Variants in FAM184B observed in about 807,000 individuals in gnomAD.
FAM184B encodes protein FAM184B.
FAM184B carries 111 observed loss-of-function variants against 135.9 expected under a neutral mutation model. That is an observed-to-expected ratio of 0.82 (90% CI 0.70 to 0.96). FAM184B has a LOEUF of 0.96. Among genes scored for constraint, FAM184B ranks in the 40% least tolerant of loss-of-function variants. FAM184B has a pLI of 0.00. For missense variants in FAM184B, 1,375 were observed against 1,323.9 expected, an observed-to-expected ratio of 1.04 and a Z score of -0.60; for synonymous variants, 552 against 524.8, an observed-to-expected ratio of 1.05 and a Z score of -0.71.
In FAM184B at chr4:17,630,358, G is replaced by A. The variant is rs576917022; in HGVS notation, c.*2174C>T. The stretch of plus-strand genomic sequence containing the variant: ...GGCTTTTGGGAAGCAATGGAGTCAT[G>A]AGGGCTTCACCCTCATGAGTAGGAT... On this transcript the variant is annotated 3_prime_UTR_variant, in exon 18 of 18. Coordinates refer to ENST00000265018, the MANE Select transcript of FAM184B (RefSeq NM_015688.2). The A allele has an allele frequency of 6.6e-6, 1 of 152,278 alleles. No homozygotes were observed. The highest frequency in any genetic ancestry group is 2.4e-5 in the African/African-American group (1 of 41,576). 9.4% of individuals were successfully genotyped at this position (152,278 alleles called of 1,614,324 possible). A position where few individuals can be genotyped will look rare whatever the true frequency, so the allele number is the denominator to read the frequency against.
chr4:17,731,325 C>A (rs923450325), intron 1 of FAM184B, among the ~76,000 whole-genome samples: 2 of 152,054 alleles, frequency 1.3e-5, no homozygotes, highest in African/African-American at 4.8e-5. Flanking sequence ...AAACACATAA[C>A]AATATTAACT....
intron 8 of FAM184B, among the ~76,000 whole-genome samples, chr4:17,660,863 G>A (rs1489874726): frequency 6.6e-6 from 1 of 152,070 alleles, no homozygotes; most frequent in African/African-American, 2.4e-5. Context: ...CCCTGACAAG[G>A]ACATCAGGCC....
intron 12 of FAM184B, 148 bp downstream of exon 12, chr4:17,647,489 G>A (rs528658189): frequency 2.1e-6 from 2 of 964,048 alleles, no homozygotes; most frequent in East Asian, 2.7e-5. Flanking sequence ...GCCTCAAGTG[G>A]TTCTCTGGCT....
chr4:17,762,674 G>A (rs1284122323), intron 1 of FAM184B, among the ~76,000 whole-genome samples: 3 of 152,216 alleles, frequency 2.0e-5, no homozygotes, highest in South Asian at 4.1e-4. Flanking sequence ...TGGATAGAGC[G>A]ACAGGAGTGA....
chr4:17,765,830 G>C (rs185795877), intron 1 of FAM184B, among the ~76,000 whole-genome samples: 40 of 152,282 alleles, frequency 2.6e-4, no homozygotes, highest in African/African-American at 9.4e-4. Flanking sequence ...CTGATATTCA[G>C]ATGTGTTCTG....
At chr4:17,701,162 T>C (rs1016712710) in intron 5 of FAM184B, among the ~76,000 whole-genome samples, 2 of 152,204 alleles carry the variant, frequency 1.3e-5, no homozygotes, top group African/African-American at 4.8e-5. Context: ...CCTGAAGACA[T>C]GGCTGATTCC....
chr4:17,706,284 C>T (rs1257490568), intron 3 of FAM184B, among the ~76,000 whole-genome samples: 1 of 152,184 alleles, frequency 6.6e-6, no homozygotes, highest in Non-Finnish European at 1.5e-5. Context: ...GTACTCATGT[C>T]CCACTTTTGA....
Position 17,660,025 on chromosome 4 carries a change from T to G in FAM184B, c.1757A>C (p.Glu586Ala). Residue 586 changes from glutamate (E) to alanine (A), a missense_variant, in exon 9 of 18, where the codon GAG becomes GCG. Physicochemically the swap from Glu to Ala is moderately radical, Grantham distance 107 (BLOSUM62 -1). Coordinates refer to ENST00000265018, the MANE Select transcript of FAM184B (RefSeq NM_015688.2). ...TAGACGCTGGATTTTGGATGTTTTC[T>G]CCTTCAACAAAGAGCCCAGTGGAGG... The part of the protein sequence containing the change: ...PQPPLGSLLK[E>A]KTSKIQRLEE... 6.4e-7 allele frequency: 1 copy of G among 1,551,622 alleles called. No individual in the cohort carries two copies. The highest frequency in any genetic ancestry group is 8.7e-7 in the Non-Finnish European group (1 of 1,146,996).
rs752980284 is a variant in FAM184B at position 17,707,801 on chromosome 4, G to T, written c.895-17C>A. On this transcript the variant is annotated splice_polypyrimidine_tract_variant and intron_variant, in intron 2 of 17. Coordinates refer to ENST00000265018, the MANE Select transcript of FAM184B (RefSeq NM_015688.2). ...ATCCAGGTCCTAAACAGACAGGAAG[G>T]GTCCCATTTCTCTGGTTATAGCTCT... is the stretch of plus-strand genomic sequence containing the variant. 8 of 1,551,716 alleles carry T rather than the reference G, an allele frequency of 5.2e-6. No individual in the cohort carries two copies. The highest frequency in any genetic ancestry group is 2.7e-5 in the African/African-American group (2 of 73,138).
At chr4:17,729,452 C>T (rs773916715) in intron 1 of FAM184B, among the ~76,000 whole-genome samples, 4 of 152,242 alleles carry the variant, frequency 2.6e-5, no homozygotes, top group Non-Finnish European at 5.9e-5. Flanking sequence ...ACTGCCTCCT[C>T]AAGCGGGTCC....
At chr4:17,678,255 C>T (rs1289360845) in intron 7 of FAM184B, among the ~76,000 whole-genome samples, 3 of 152,028 alleles carry the variant, frequency 2.0e-5, no homozygotes, top group Non-Finnish European at 2.9e-5. Flanking sequence ...ATGATATGAT[C>T]GTATACCTAG....
At chr4:17,687,965 C>T (rs1456518019) in intron 7 of FAM184B, among the ~76,000 whole-genome samples, 2 of 152,084 alleles carry the variant, frequency 1.3e-5, no homozygotes, top group African/African-American at 4.8e-5. Flanking sequence ...AAACAGGAAC[C>T]AGTTTCTACC....
Position 17,647,712 on chromosome 4 carries a change from C to T in FAM184B, c.2271G>A (p.Glu757=), listed in dbSNP as rs1168812200. The change falls in exon 12 of 18, where the codon GAG becomes GAA. Residue 757 remains glutamate, a synonymous_variant. Transcript: ENST00000265018. The part of the protein sequence containing the change: ...HQKDLEALQA[E]LRALGRQQAS... ...CTTGCTGTCTGCCCAGAGCCCTCAG[C>T]TCGGCCTGCAGTGCCTCCAAGTCCT... 6.4e-7 allele frequency: 1 copy of T among 1,551,086 alleles called. No individual in the cohort carries two copies. Among genetic ancestry groups the T allele is most frequent in the South Asian group, 1.2e-5 (1 of 84,040 alleles).
At chr4:17,684,084 A>ATAC (rs1716511325) in intron 7 of FAM184B, among the ~76,000 whole-genome samples, 1 of 116,558 alleles carries the variant, frequency 8.6e-6, no homozygotes, top group African/African-American at 4.2e-5. Flanking sequence ...AATAATAATA[A>ATAC]TAGTAATTAC....
intron 1 of FAM184B, among the ~76,000 whole-genome samples, chr4:17,720,070 T>C (rs1305252733): frequency 1.3e-5 from 2 of 152,172 alleles, no homozygotes; most frequent in East Asian, 3.8e-4. Flanking sequence ...TGCCCCAGAG[T>C]GTTAGCCTCA....
chr4:17,721,544 C>T lies in FAM184B; in HGVS notation c.142-11900G>A, dbSNP rs187703633. On this transcript the variant is annotated intron_variant, in intron 1 of 17. Transcript: ENST00000265018. ...GGGAAGTACCATGAGCAGGAAGTAG[C>T]GCAAAGGCATGGCATAGAGGCAAGA... 6.6e-5 allele frequency among the ~76,000 whole-genome samples: 10 copies of T among 152,152 alleles called. No homozygotes were observed. The East Asian group carries it at 1.2e-3, about 18-fold the overall frequency.
intron 7 of FAM184B, among the ~76,000 whole-genome samples, chr4:17,671,345 G>T (rs1200247475): frequency 1.3e-5 from 2 of 152,146 alleles, no homozygotes; most frequent in Admixed American, 1.3e-4. Context: ...GCTCTATAGG[G>T]TCCATCACAG....
chr4:17,659,841 T>G, intron 9 of FAM184B, 117 bp downstream of exon 9: 10 of 1,343,340 alleles, frequency 7.4e-6, no homozygotes, highest in Non-Finnish European at 1.0e-5. Flanking sequence ...TTTGCCCTGG[T>G]CCTGTAATGC....
chr4:17,636,088 GTCT>G (rs1333889072), intron 15 of FAM184B, among the ~76,000 whole-genome samples: 4 of 152,028 alleles, frequency 2.6e-5, no homozygotes, highest in Admixed American at 2.0e-4. Context: ...TAGTGAGTAT[GTCT>G]TCTTTAATAA....
Sources: allele counts gnomAD v4.1 joint callset (sites outside exome capture counted in the v4.1 genomes callset), GRCh38; gene constraint gnomAD v4.1.1; transcripts MANE v1.5; gene names NCBI Gene and HGNC (gene_info 2026-07-23, HGNC 2026-07-21).